MS4A10: variants seen among roughly 807,000 people sequenced by gnomAD.
MS4A10 encodes membrane-spanning 4-domains subfamily A member 10.
A neutral mutation model predicts 27.7 loss-of-function variants in MS4A10; 27 were observed. The observed-to-expected ratio is 0.98, with a 90% CI of 0.72 to 1.35. MS4A10 has a LOEUF of 1.35. Ranked by LOEUF, MS4A10 falls within the 40% of genes most tolerant of loss-of-function variation. The probability of loss-of-function intolerance (pLI) is 0.00; values close to 1 mark genes in which losing one functional copy is unlikely to be tolerated. For synonymous variants in MS4A10, 139 were observed against 131.2 expected (o/e 1.06, Z -0.41); for missense variants, 338 against 324.7 (o/e 1.04, Z -0.32).
At chr11:60,798,012 T>C (rs1854559519) in intron 6 of MS4A10, among the ~76,000 whole-genome samples, 1 of 152,208 alleles carries the variant, frequency 6.6e-6, no homozygotes, top group South Asian at 2.1e-4. Flanking sequence ...GTGGCAGCAA[T>C]CATTGGCAGA....
chr11:60,787,941 C>T (rs540153359), intron 1 of MS4A10, among the ~76,000 whole-genome samples: 3 of 152,074 alleles, frequency 2.0e-5, no homozygotes, highest in Admixed American at 6.6e-5. Context: ...CACTTGAACC[C>T]GGGAGGCGGA....
At chr11:60,794,148 C>T in intron 5 of MS4A10, 45 bp downstream of exon 5, 1 of 1,610,836 alleles carries the variant, frequency 6.2e-7, no homozygotes. Context: ...AGCGAAGGTG[C>T]TGCCTTGGAT....
intron 5 of MS4A10, among the ~76,000 whole-genome samples, 167 bp from the exon 6 acceptor site, chr11:60,795,388 C>T (rs1273063985): frequency 3.9e-5 from 6 of 152,166 alleles, no homozygotes; most frequent in Admixed American, 1.3e-4. Context: ...ACCAAGTCCC[C>T]GTCCCACAGA....
At chr11:60,788,366 C>T (rs1854373727) in intron 1 of MS4A10, among the ~76,000 whole-genome samples, 1 of 152,242 alleles carries the variant, frequency 6.6e-6, no homozygotes, top group Non-Finnish European at 1.5e-5. Flanking sequence ...AGTGCCCAGG[C>T]ACTCACTATC....
At chr11:60,789,985 C>T (rs1214301824) in intron 1 of MS4A10, among the ~76,000 whole-genome samples, 1 of 152,178 alleles carries the variant, frequency 6.6e-6, no homozygotes, top group Non-Finnish European at 1.5e-5. Context: ...GCACCTCTCG[C>T]ACCTCCCAAC....
At position 60,800,429 on chromosome 11, in the gene MS4A10, G is replaced by A. The variant is rs1854612973; in HGVS notation, c.*520G>A. Reference sequence around the variant, plus strand: ...GCCTCCCAAAGTGCTGGGATTACAGGCGTGAGCCACTGTGCCCAGCCCAGG... The same window carrying A: ...GCCTCCCAAAGTGCTGGGATTACAGACGTGAGCCACTGTGCCCAGCCCAGG... On this transcript the variant is annotated 3_prime_UTR_variant, in exon 8 of 8. Transcript: ENST00000308287. 6.4e-6 allele frequency: 1 copy of A among 156,060 alleles called. No homozygotes were observed. The highest frequency in any genetic ancestry group is 2.0e-4 in the South Asian group (1 of 5,038). 9.7% of individuals were successfully genotyped at this position (156,060 alleles called of 1,614,324 possible). A position where few individuals can be genotyped will look rare whatever the true frequency, so the allele number is the denominator to read the frequency against.
Position 60,793,995 on chromosome 11 carries a change from C to A in MS4A10, c.384C>A (p.Asn128Lys). 1 of 1,614,146 alleles carries A rather than the reference C, an allele frequency of 6.2e-7. No individual in the cohort carries two copies. The highest frequency in any genetic ancestry group is 8.5e-7 in the Non-Finnish European group (1 of 1,180,030). The change falls in exon 5 of 8, where the codon AAC becomes AAA. Residue 128 changes from asparagine to lysine, a missense_variant. By Grantham distance (94) the Asn-to-Lys change is moderately conservative (BLOSUM62 0). Coordinates refer to ENST00000308287, the MANE Select transcript of MS4A10 (RefSeq NM_206893.4). The part of the protein sequence containing the change: ...TYLKMLCLMT[N>K]LISLFCVLSG... The stretch of plus-strand genomic sequence containing the variant: ...AGAAGATGTTGTGCCTGATGACAAA[C>A]CTCATCAGCCTCTTTTGCGTGCTGT...
intron 1 of MS4A10, among the ~76,000 whole-genome samples, chr11:60,787,180 C>A (rs1854353995): frequency 6.9e-6 from 1 of 145,652 alleles, no homozygotes; most frequent in South Asian, 2.5e-4. Context: ...GGATACCAAG[C>A]TGGCTGGGTC....
At position 60,791,058 on chromosome 11, in the gene MS4A10, C is replaced by T. The variant is rs1299031866; in HGVS notation, c.268C>T (p.Leu90=). 2 of 1,614,140 alleles carry T rather than the reference C, an allele frequency of 1.2e-6. No homozygotes were observed. Among genetic ancestry groups the T allele is most frequent in the Admixed American group, 1.7e-5 (1 of 60,022 alleles). Residue 90 remains leucine (L), a synonymous_variant, in exon 3 of 8, where the codon CTG becomes TTG. Coordinates refer to ENST00000308287, the MANE Select transcript of MS4A10 (RefSeq NM_206893.4). ...SIVKNLHLVV[L]KSWYPFWGAA... Reference sequence around the variant, plus strand: ...AGTCAAGAACCTTCACCTGGTGGTGCTGAAGTCTTGGTATCCATTCTGGGG... The same window carrying T: ...AGTCAAGAACCTTCACCTGGTGGTGTTGAAGTCTTGGTATCCATTCTGGGG...
intron 6 of MS4A10, 23 bp downstream of exon 6, chr11:60,795,688 C>A (rs760160622): frequency 8.2e-6 from 12 of 1,470,050 alleles, no homozygotes; most frequent in Non-Finnish European, 9.1e-6. Context: ...CTTGTCTTCC[C>A]AGGAAGACAA....
intron 3 of MS4A10, among the ~76,000 whole-genome samples, chr11:60,791,516 C>T (rs886289772): frequency 1.3e-5 from 2 of 152,182 alleles, no homozygotes; most frequent in African/African-American, 4.8e-5. Context: ...CCTCCCAAGG[C>T]CATCAGCCAG....
intron 7 of MS4A10, 87 bp downstream of exon 7, chr11:60,798,601 G>A (rs980990306): frequency 9.4e-7 from 1 of 1,068,168 alleles, no homozygotes; most frequent in Non-Finnish European, 1.4e-6. Context: ...CAGTTCCCAG[G>A]GGAGCTGTAA....
At chr11:60,786,472 C>T (rs933466025) in intron 1 of MS4A10, among the ~76,000 whole-genome samples, 1 of 152,132 alleles carries the variant, frequency 6.6e-6, no homozygotes, top group East Asian at 1.9e-4. Flanking sequence ...ACCCCAGGGC[C>T]CCAGAGCTCT....
Position 60,800,583 on chromosome 11 carries a change from C to G in MS4A10, c.*674C>G, listed in dbSNP as rs1352998123. ...GGGTTTGAGGTTCTTTGAATTCTCC[C>G]TCTTTGTCATCTCTTTCGCTGCCAC... is the stretch of plus-strand genomic sequence containing the variant. On this transcript the variant is annotated 3_prime_UTR_variant, in exon 8 of 8. Coordinates refer to ENST00000308287, the MANE Select transcript of MS4A10 (RefSeq NM_206893.4). 2.0e-5 allele frequency: 3 copies of G among 152,288 alleles called. No homozygotes were observed. The highest frequency in any genetic ancestry group is 7.2e-5 in the African/African-American group (3 of 41,444). 9.4% of individuals were successfully genotyped at this position (152,288 alleles called of 1,614,324 possible). A position where few individuals can be genotyped will look rare whatever the true frequency, so the allele number is the denominator to read the frequency against.
chr11:60,786,884 G>A (rs955012419), intron 1 of MS4A10, among the ~76,000 whole-genome samples: 9 of 152,222 alleles, frequency 5.9e-5, no homozygotes, highest in Admixed American at 5.9e-4. Flanking sequence ...GAGAAGGTGA[G>A]GGGAGACTCA....
rs1030223763 is a variant in MS4A10, at chr11:60,790,752, G to T, written c.184-222G>T. Among the ~76,000 whole-genome samples, 3 of 152,356 alleles carry T rather than the reference G, an allele frequency of 2.0e-5. 1 individual carries two copies. Among genetic ancestry groups the T allele is most frequent in the South Asian group, 4.1e-4 (2 of 4,826 alleles). ...GTCCTGGGGAGAATGGCAGAAGGCT[G>T]CCAGCTCCAGGATAGATAGCTCCCA... On this transcript the variant is annotated intron_variant, in intron 2 of 7. Transcript: ENST00000308287.
At chr11:60,789,262 A>C (rs1414688224) in intron 1 of MS4A10, among the ~76,000 whole-genome samples, 1 of 152,154 alleles carries the variant, frequency 6.6e-6, no homozygotes, top group Non-Finnish European at 1.5e-5. Context: ...GGATTTGCTC[A>C]TTAGCCCCAT....
intron 4 of MS4A10, 150 bp from the exon 5 acceptor site, chr11:60,793,822 G>A: frequency 1.2e-6 from 1 of 833,988 alleles, no homozygotes; most frequent in Non-Finnish European, 1.9e-6. Context: ...GGGGCTGAGG[G>A]GCCAGTGACA....
chr11:60,794,827 C>G (rs1398972894), intron 5 of MS4A10, among the ~76,000 whole-genome samples: 2 of 152,096 alleles, frequency 1.3e-5, no homozygotes, highest in Non-Finnish European at 2.9e-5. Context: ...AGGCACCCAC[C>G]ACAGCCACCA....
Sources: allele counts gnomAD v4.1 joint callset (sites outside exome capture counted in the v4.1 genomes callset), GRCh38; gene constraint gnomAD v4.1.1; transcripts MANE v1.5; gene names NCBI Gene and HGNC (gene_info 2026-07-23, HGNC 2026-07-21).